OPCML: variants seen among roughly 807,000 people sequenced by gnomAD.
OPCML encodes opioid-binding protein/cell adhesion molecule.
In OPCML, 13 loss-of-function variants were observed where a neutral mutation model predicts 37.8. That is an observed-to-expected ratio of 0.34 (90% confidence interval 0.22 to 0.55). The LOEUF is 0.55. Ranked by LOEUF, OPCML falls within the 20% of genes least tolerant of loss-of-function variation. The pLI is 0.91. For missense variants in OPCML, 341 were observed against 435.6 expected (o/e 0.78, Z 1.93); for synonymous variants, 176 against 168.8 (o/e 1.04, Z -0.33).
chr11:133,290,393 T>A lies in OPCML; in HGVS notation c.61+241871A>T, dbSNP rs951685557. 1.8e-4 allele frequency among the ~76,000 whole-genome samples: 27 copies of A among 152,314 alleles called. 1 individual carries two copies. The highest frequency in any genetic ancestry group is 1.2e-3 in the Admixed American group (18 of 15,298). ...CTGTACCTGAGCCCTGAGGTGACTT[T>A]GAGTGCAATCAATGGACAAATCAAA... is the stretch of plus-strand genomic sequence containing the variant. On this transcript the variant is annotated intron_variant, in intron 1 of 7. Transcript: ENST00000524381.
chr11:132,708,478 G>T (rs1244598042), intron 2 of OPCML, among the ~76,000 whole-genome samples: 2 of 152,074 alleles, frequency 1.3e-5, no homozygotes, highest in African/African-American at 4.8e-5. Context: ...TGCAATTTGG[G>T]ATGGAAGAAC....
intron 3 of OPCML, among the ~76,000 whole-genome samples, chr11:132,581,672 T>G (rs1169516451): frequency 6.6e-6 from 1 of 152,164 alleles, no homozygotes; most frequent in East Asian, 1.9e-4. Flanking sequence ...AAAGTTCACA[T>G]ATTTCTTATG....
chr11:133,124,293 C>T (rs1225202725), intron 1 of OPCML, among the ~76,000 whole-genome samples: 1 of 152,152 alleles, frequency 6.6e-6, no homozygotes, highest in Non-Finnish European at 1.5e-5. Context: ...CCCTAGGGTT[C>T]CCCCATTTCG....
intron 1 of OPCML, among the ~76,000 whole-genome samples, chr11:133,245,064 G>T (rs1940870948): frequency 6.6e-6 from 1 of 152,142 alleles, no homozygotes; most frequent in African/African-American, 2.4e-5. Context: ...TGATTTCCCT[G>T]GGTTGATTCT....
At chr11:132,564,619 G>A (rs1010993502) in intron 3 of OPCML, among the ~76,000 whole-genome samples, 6 of 152,004 alleles carry the variant, frequency 3.9e-5, no homozygotes, top group African/African-American at 7.2e-5. Context: ...TGTGACAGGC[G>A]CTTAGAAAGT....
intron 1 of OPCML, chr11:133,298,714 A>G (rs1282692599): frequency 6.6e-6 from 1 of 152,200 alleles, no homozygotes; most frequent in East Asian, 1.9e-4. Context: ...CTCACCAGCA[A>G]CAACGTACTA....
At chr11:132,801,056 A>G (rs1938621008) in intron 2 of OPCML, among the ~76,000 whole-genome samples, 1 of 152,190 alleles carries the variant, frequency 6.6e-6, no homozygotes, top group Non-Finnish European at 1.5e-5. Context: ...TTAGATTACT[A>G]ATTCAACTTA....
At chr11:132,836,301 C>T (rs1416873803) in intron 2 of OPCML, among the ~76,000 whole-genome samples, 2 of 152,136 alleles carry the variant, frequency 1.3e-5, no homozygotes, top group Non-Finnish European at 2.9e-5. Flanking sequence ...AAATAATACC[C>T]TGCCTGCTCA....
At chr11:132,834,720 A>G (rs1297227636) in intron 2 of OPCML, among the ~76,000 whole-genome samples, 2 of 152,070 alleles carry the variant, frequency 1.3e-5, no homozygotes, top group Admixed American at 1.3e-4. Flanking sequence ...AACCCTGATG[A>G]CCTCATTTTA....
chr11:133,072,096 A>G (rs1045480101), intron 1 of OPCML, among the ~76,000 whole-genome samples: 3 of 152,120 alleles, frequency 2.0e-5, no homozygotes, highest in African/African-American at 7.2e-5. Context: ...ATGCGATGGG[A>G]AGTTAAAAAC....
intron 7 of OPCML, among the ~76,000 whole-genome samples, chr11:132,430,098 A>C (rs556387955): frequency 2.6e-5 from 4 of 152,296 alleles, no homozygotes; most frequent in African/African-American, 9.6e-5. Flanking sequence ...TGAGAAAGGC[A>C]GATACAATGC....
chr11:133,401,090 T>G (rs79379960), intron 1 of OPCML, among the ~76,000 whole-genome samples: 2 of 152,136 alleles, frequency 1.3e-5, no homozygotes, highest in African/African-American at 4.8e-5. Flanking sequence ...GAAAAGTCAC[T>G]GAAAAATAAA....
chr11:133,084,397 C>A (rs111994195), intron 1 of OPCML, among the ~76,000 whole-genome samples: 2,477 of 152,288 alleles, frequency 0.016, 52 homozygotes, highest in African/African-American at 0.05. Flanking sequence ...ATTCAAGTTT[C>A]GTTGTTTAGT....
At chr11:132,570,399 G>GA (rs1374974941) in intron 3 of OPCML, among the ~76,000 whole-genome samples, 1 of 152,068 alleles carries the variant, frequency 6.6e-6, no homozygotes, top group Admixed American at 6.5e-5. Context: ...GTTTTGAGGG[G>GA]AAAGTTTGTG....
intron 1 of OPCML, among the ~76,000 whole-genome samples, chr11:133,108,110 C>A (rs544984823): frequency 2.0e-5 from 3 of 152,152 alleles, no homozygotes; most frequent in African/African-American, 7.2e-5. Context: ...CACTTTAGAT[C>A]AAGACAGAAG....
At chr11:133,390,564 C>G (rs556345131) in intron 1 of OPCML, among the ~76,000 whole-genome samples, 68 of 152,258 alleles carry the variant, frequency 4.5e-4, no homozygotes, top group Non-Finnish European at 8.4e-4. Context: ...TGAGAAAGGT[C>G]TTGGGGTCCA....
chr11:133,423,515 G>A, intron 1 of OPCML: 1 of 983,958 alleles, frequency 1.0e-6, no homozygotes, highest in African/African-American at 1.7e-5. Flanking sequence ...CCAAACTGGA[G>A]AAAAGAAGTC....
intron 1 of OPCML, among the ~76,000 whole-genome samples, chr11:133,051,561 T>C (rs1488951756): frequency 6.6e-6 from 1 of 152,154 alleles, no homozygotes; most frequent in Non-Finnish European, 1.5e-5. Flanking sequence ...CCATTCTCAC[T>C]TGCCTGCCCC....
chr11:133,315,480 A>G (rs2136606577), intron 1 of OPCML, among the ~76,000 whole-genome samples: 1 of 152,300 alleles, frequency 6.6e-6, no homozygotes, highest in Non-Finnish European at 1.5e-5. Flanking sequence ...TTCACATTTG[A>G]GGCCATTGCT....
Sources: allele counts gnomAD v4.1 joint callset (sites outside exome capture counted in the v4.1 genomes callset), GRCh38; gene constraint gnomAD v4.1.1; transcripts MANE v1.5; gene names NCBI Gene and HGNC (gene_info 2026-07-23, HGNC 2026-07-21).